MYOF: variants seen among roughly 807,000 people sequenced by gnomAD.
The protein encoded by MYOF is myoferlin.
MYOF carries 244 observed loss-of-function variants against 284.2 expected under a neutral mutation model. That is an observed-to-expected ratio of 0.86 (90% CI 0.77 to 0.95). MYOF has a LOEUF of 0.95. Among genes scored for constraint, MYOF ranks in the 40% least tolerant of loss-of-function variants. The probability of loss-of-function intolerance (pLI) is 0.00; values close to 1 mark genes in which losing one functional copy is unlikely to be tolerated. For synonymous variants in MYOF, 904 were observed against 919.7 expected, an observed-to-expected ratio of 0.98 and a Z score of 0.31; for missense variants, 2,496 against 2,560.6, an observed-to-expected ratio of 0.97 and a Z score of 0.54.
intron 36 of MYOF, among the ~76,000 whole-genome samples, chr10:93,349,061 G>C (rs1473027957): frequency 6.6e-6 from 1 of 152,126 alleles, no homozygotes; most frequent in Non-Finnish European, 1.5e-5. Flanking sequence ...AAATGACTGG[G>C]GTGGGGAAAG....
In MYOF at chr10:93,379,953, G is replaced by C; in HGVS notation, c.1911C>G (p.Thr637=). Residue 637 remains threonine (T), a synonymous_variant, in exon 21 of 54, where the codon ACC becomes ACG. Transcript: ENST00000359263. ...ATGAAGTCAGGGTAACAACTGGCTT[G>C]GTGTGGGCCCAAGGCAAGTAATAAT... ...NYYYYLPWAH[T]KPVVTLTSYW... 2 of 1,614,052 alleles carry C rather than the reference G, an allele frequency of 1.2e-6. No homozygotes were observed. The highest frequency in any genetic ancestry group is 1.7e-6 in the Non-Finnish European group (2 of 1,179,948).
intron 3 of MYOF, among the ~76,000 whole-genome samples, chr10:93,438,915 A>T (rs1019161885): frequency 6.6e-6 from 1 of 152,184 alleles, no homozygotes; most frequent in Non-Finnish European, 1.5e-5. Flanking sequence ...CAGGACTGCC[A>T]GAGAACCTTG....
Position 93,389,051 on chromosome 10 carries a change from A to T in MYOF, c.1560T>A (p.Tyr520Ter), listed in dbSNP as rs948172754. The change falls in exon 18 of 54, where the codon TAT (tyrosine) becomes TAA (stop). Residue 520 changes from tyrosine (Y) to a stop codon, truncating the protein, a stop_gained. Transcript: ENST00000359263. LOFTEE classifies it high-confidence loss of function. Reference sequence around the variant, plus strand: ...CAACCTTTCCAGTATTCAGCTCATCATAGGGGTCTGGGAATCCCGTGTACT... The same window carrying T: ...CAACCTTTCCAGTATTCAGCTCATCTTAGGGGTCTGGGAATCCCGTGTACT... ...PREYTGFPDPYDELNTGKGEG... is the reference protein window; with the variant it reads ...PREYTGFPDP 4 of 1,613,960 alleles carry T rather than the reference A, an allele frequency of 2.5e-6. No individual in the cohort carries two copies. In the African/African-American group the frequency reaches 4.0e-5, roughly 16 times the overall value.
intron 4 of MYOF, 65 bp downstream of exon 4, chr10:93,431,343 T>C (rs560394469): frequency 6.9e-7 from 1 of 1,443,266 alleles, no homozygotes; most frequent in African/African-American, 1.4e-5. Context: ...TTAGACCTTT[T>C]TCTTAATGAA....
chr10:93,373,664 A>G (rs1845698567), intron 23 of MYOF, among the ~76,000 whole-genome samples: 1 of 152,170 alleles, frequency 6.6e-6, no homozygotes, highest in South Asian at 2.1e-4. Context: ...AGAAAATGAA[A>G]TTACCTATAA....
chr10:93,357,904 C>T (rs993860670), intron 29 of MYOF, among the ~76,000 whole-genome samples: 6 of 152,106 alleles, frequency 3.9e-5, no homozygotes, highest in Non-Finnish European at 5.9e-5. Context: ...CGTTCAAGCA[C>T]CTTCAGAAAC....
rs1214638804 is a variant in MYOF, at chr10:93,392,958, A to G, written c.1418-3T>C. The G allele has an allele frequency of 3.1e-6, 5 of 1,610,362 alleles. 1 individual carries two copies. The highest frequency in any genetic ancestry group is 3.3e-4 in the Middle Eastern group (2 of 6,078). Reference sequence around the variant, plus strand: ...CCCAGTTCCCGAAGATGAGAAATCTATATAGTAAAAATATGACTGGTTAAA... The same window carrying G: ...CCCAGTTCCCGAAGATGAGAAATCTGTATAGTAAAAATATGACTGGTTAAA... On this transcript the variant is annotated splice_region_variant and splice_polypyrimidine_tract_variant and intron_variant, in intron 16 of 53. Coordinates refer to ENST00000359263, the MANE Select transcript of MYOF (RefSeq NM_013451.4).
At chr10:93,310,292 C>T in intron 52 of MYOF, 125 bp from the exon 53 acceptor site, 1 of 1,249,222 alleles carries the variant, frequency 8.0e-7, no homozygotes, top group Admixed American at 2.4e-5. Flanking sequence ...TACTGTTCCC[C>T]TTCGTTGACT....
intron 38 of MYOF, chr10:93,341,993 A>C (rs1266911778): frequency 1.5e-5 from 19 of 1,287,878 alleles, no homozygotes; most frequent in Admixed American, 2.3e-5. Context: ...GTAATTGTTG[A>C]GATGGCCATG....
chr10:93,383,744 T>C (rs1433733514), intron 19 of MYOF, among the ~76,000 whole-genome samples: 1 of 152,010 alleles, frequency 6.6e-6, no homozygotes, highest in Non-Finnish European at 1.5e-5. Flanking sequence ...GAAACATAAT[T>C]TGTGGCCTGA....
intron 1 of MYOF, among the ~76,000 whole-genome samples, chr10:93,466,638 T>C (rs2057014601): frequency 6.6e-6 from 1 of 152,134 alleles, no homozygotes. Flanking sequence ...TGCCTTGGTG[T>C]TTGTGTTGTG....
chr10:93,356,599 T>C, intron 30 of MYOF, 76 bp downstream of exon 30: 1 of 1,445,778 alleles, frequency 6.9e-7, no homozygotes, highest in African/African-American at 1.4e-5. Context: ...CTCTATGGAG[T>C]TGGCAGTGCT....
intron 13 of MYOF, among the ~76,000 whole-genome samples, chr10:93,398,758 T>C (rs932478541): frequency 2.6e-5 from 4 of 152,238 alleles, no homozygotes; most frequent in Admixed American, 2.0e-4. Flanking sequence ...CATAATTATA[T>C]GGTTCGAACA....
intron 22 of MYOF, among the ~76,000 whole-genome samples, 173 bp downstream of exon 22, chr10:93,377,150 T>C (rs1198933915): frequency 6.6e-6 from 1 of 152,214 alleles, no homozygotes; most frequent in Non-Finnish European, 1.5e-5. Flanking sequence ...AGTGGAGCTT[T>C]TCCTGGTGGT....
intron 4 of MYOF, among the ~76,000 whole-genome samples, chr10:93,426,772 C>G (rs1848605551): frequency 6.6e-6 from 1 of 151,998 alleles, no homozygotes; most frequent in Admixed American, 6.5e-5. Flanking sequence ...ACCTGTAATC[C>G]CAGCTACTCA....
chr10:93,356,670 C>T lies in MYOF; in HGVS notation c.3294+5G>A, dbSNP rs1172803848. ...TGATCTGCGCTCTGGCAACCTAGTA[C>T]TTACAAGGGCACCTTCAAGTTTAAA... On this transcript the variant is annotated splice_donor_5th_base_variant and intron_variant, in intron 30 of 53. Transcript: ENST00000359263. 1.9e-6 allele frequency: 3 copies of T among 1,611,478 alleles called. No individual in the cohort carries two copies. The highest frequency in any genetic ancestry group is 2.5e-6 in the Non-Finnish European group (3 of 1,179,070).
intron 15 of MYOF, among the ~76,000 whole-genome samples, chr10:93,396,487 A>G (rs919939169): frequency 6.6e-6 from 1 of 152,282 alleles, no homozygotes; most frequent in Middle Eastern, 3.4e-3. Flanking sequence ...GTGTATCCCA[A>G]TTGATTCTGA....
intron 21 of MYOF, among the ~76,000 whole-genome samples, chr10:93,377,992 C>T (rs573727103): frequency 5.9e-5 from 9 of 152,254 alleles, no homozygotes; most frequent in Non-Finnish European, 8.8e-5. Flanking sequence ...TGTGCAAATT[C>T]GTTTGCTGAG....
At chr10:93,394,681 C>T (rs1374446169) in intron 16 of MYOF, among the ~76,000 whole-genome samples, 2 of 146,832 alleles carry the variant, frequency 1.4e-5, no homozygotes, top group African/African-American at 2.5e-5. Flanking sequence ...AGGATGGTCT[C>T]GATCTCCTGA....
Sources: gnomAD v4.1 joint callset for allele counts (sites outside exome capture counted in the v4.1 genomes callset) on GRCh38, gnomAD v4.1.1 for gene constraint, MANE v1.5 for transcripts, NCBI Gene and HGNC (gene_info 2026-07-23, HGNC 2026-07-21) for gene names.